GAREM1: variants seen among roughly 807,000 people sequenced by gnomAD.
The protein encoded by GAREM1 is GRB2 associated regulator of MAPK1 subtype 1, also known as GRB2-associated and regulator of MAPK protein 1.
GAREM1 carries 26 observed loss-of-function variants against 71.3 expected under a neutral mutation model. The ratio of observed to expected loss-of-function variants is 0.36; its 90% CI spans 0.27 to 0.51. The LOEUF is 0.51. GAREM1 is among the 20% of genes least tolerant of loss of function. The pLI is 0.95. For synonymous variants in GAREM1, 440 were observed against 433.2 expected (o/e 1.02, Z -0.20); for missense variants, 1,026 against 1,103.1 (o/e 0.93, Z 0.99).
At chr18:32,342,391 C>T (rs527679973) in intron 2 of GAREM1, among the ~76,000 whole-genome samples, 1 of 152,312 alleles carries the variant, frequency 6.6e-6, no homozygotes, top group African/African-American at 2.4e-5. Flanking sequence ...TCATTCCCAG[C>T]CTAAACTTTT....
chr18:32,381,238 T>A (rs1461494106), intron 2 of GAREM1, among the ~76,000 whole-genome samples: 1 of 152,112 alleles, frequency 6.6e-6, no homozygotes, highest in African/African-American at 2.4e-5. Flanking sequence ...AGGTCCAATA[T>A]CTGACAAGAT....
intron 3 of GAREM1, among the ~76,000 whole-genome samples, chr18:32,296,706 AG>A (rs1434887459): frequency 7.3e-6 from 1 of 136,146 alleles, no homozygotes; most frequent in African/African-American, 2.8e-5. Flanking sequence ...TTTTCTTGGC[AG>A]TTTTTTTTTT....
chr18:32,409,782 A>G (rs914498406), intron 1 of GAREM1, among the ~76,000 whole-genome samples: 12 of 152,224 alleles, frequency 7.9e-5, no homozygotes, highest in African/African-American at 2.9e-4. Context: ...TTCTACGCCA[A>G]GCAACTTTCA....
chr18:32,343,314 T>G (rs1000039385), intron 2 of GAREM1, among the ~76,000 whole-genome samples: 18 of 132,962 alleles, frequency 1.4e-4, no homozygotes, highest in Admixed American at 2.2e-4. Context: ...CCCCACTGTT[T>G]TTTTTTTTTT....
chr18:32,270,375 T>C lies in GAREM1; in HGVS notation c.1575A>G (p.Glu525=), dbSNP rs1178619988. 1 of 1,611,656 alleles carries C rather than the reference T, an allele frequency of 6.2e-7. No individual in the cohort carries two copies. The highest frequency in any genetic ancestry group is 1.1e-5 in the South Asian group (1 of 90,646). The change falls in exon 5 of 6, where the codon GAA becomes GAG. Residue 525 remains glutamate (E), a synonymous_variant. Coordinates refer to ENST00000269209, the MANE Select transcript of GAREM1 (RefSeq NM_001242409.2). ...GTGGGGCGTTCAGGAGCCGGCATTC[T>C]TCTCTGACCTGGCGCAGAAAAGAAC... ...PVPPKSEAVR[E]ECRLLNAPPV... is the part of the protein sequence containing the mutation.
intron 1 of GAREM1, among the ~76,000 whole-genome samples, chr18:32,406,490 G>A (rs1441563227): frequency 2.0e-5 from 3 of 152,176 alleles, no homozygotes; most frequent in Non-Finnish European, 2.9e-5. Context: ...GAAACGGTGT[G>A]TGGTGGGGGG....
intron 2 of GAREM1, among the ~76,000 whole-genome samples, chr18:32,342,200 A>T (rs1328385788): frequency 2.0e-5 from 3 of 152,128 alleles, no homozygotes; most frequent in Non-Finnish European, 2.9e-5. Flanking sequence ...CACATGAAGA[A>T]AAATGAGGCG....
intron 2 of GAREM1, among the ~76,000 whole-genome samples, chr18:32,361,687 T>C: frequency 6.6e-6 from 1 of 152,342 alleles, no homozygotes; most frequent in Non-Finnish European, 1.5e-5. Context: ...TTTCCCAATA[T>C]CCTGTTTAAG....
At chr18:32,343,998 C>G (rs919628816) in intron 2 of GAREM1, among the ~76,000 whole-genome samples, 2 of 152,138 alleles carry the variant, frequency 1.3e-5, no homozygotes, top group Non-Finnish European at 2.9e-5. Context: ...CAGGTCATTC[C>G]TCGCTTTGTT....
chr18:32,386,148 A>G (rs907015210), intron 2 of GAREM1, among the ~76,000 whole-genome samples: 23 of 152,356 alleles, frequency 1.5e-4, no homozygotes, highest in African/African-American at 5.1e-4. Context: ...TTTATCCCAT[A>G]TAACAGGGAA....
At chr18:32,319,828 A>C (rs981978477) in intron 2 of GAREM1, among the ~76,000 whole-genome samples, 1 of 152,232 alleles carries the variant, frequency 6.6e-6, no homozygotes, top group African/African-American at 2.4e-5. Context: ...CCATCACTGC[A>C]TAAAAATCTG....
intron 2 of GAREM1, among the ~76,000 whole-genome samples, chr18:32,380,711 C>A (rs906061018): frequency 1.3e-5 from 2 of 152,142 alleles, no homozygotes; most frequent in African/African-American, 4.8e-5. Context: ...ACTTCCTTGG[C>A]TTCTGCCCAC....
At chr18:32,270,855 T>C (rs1450550838) in intron 4 of GAREM1, among the ~76,000 whole-genome samples, 2 of 151,600 alleles carry the variant, frequency 1.3e-5, no homozygotes, top group Non-Finnish European at 2.9e-5. Context: ...ACCCTGGACC[T>C]GGTCCAGAGC....
rs193126283 is a variant in GAREM1, at chr18:32,263,641, C to T, written c.*4230G>A. On this transcript the variant is annotated 3_prime_UTR_variant, in exon 6 of 6. Coordinates refer to ENST00000269209, the MANE Select transcript of GAREM1 (RefSeq NM_001242409.2). ...GGTACACATTGGGCCCATTAGATAA[C>T]GTTTTGGAAAGTAATGCCATTGTTA... 60 of 152,188 alleles carry T rather than the reference C, an allele frequency of 3.9e-4. No homozygotes were observed. Among genetic ancestry groups the T allele is most frequent in the African/African-American group, 1.2e-3 (48 of 41,520 alleles). The allele number at this position is 152,188 out of a possible 1,614,324, so 9.4% of individuals were successfully genotyped here.
chr18:32,442,820 A>G (rs1383598422), intron 1 of GAREM1, among the ~76,000 whole-genome samples: 2 of 152,198 alleles, frequency 1.3e-5, no homozygotes, highest in Admixed American at 1.3e-4. Flanking sequence ...ATATTGTTCT[A>G]GAACAGAGAC....
At chr18:32,344,799 C>T (rs931249442) in intron 2 of GAREM1, among the ~76,000 whole-genome samples, 9 of 152,252 alleles carry the variant, frequency 5.9e-5, no homozygotes, top group East Asian at 1.9e-4. Context: ...CGGTGGCTCA[C>T]GCCTATAATC....
At chr18:32,416,918 A>G (rs2048471710) in intron 1 of GAREM1, among the ~76,000 whole-genome samples, 1 of 152,202 alleles carries the variant, frequency 6.6e-6, no homozygotes, top group African/African-American at 2.4e-5. Context: ...AAAAGAATCA[A>G]TGAAGTGAAG....
At chr18:32,466,123 AAAG>A (rs1255717771) in intron 1 of GAREM1, among the ~76,000 whole-genome samples, 2 of 152,200 alleles carry the variant, frequency 1.3e-5, no homozygotes, top group African/African-American at 2.4e-5. Context: ...TTAAATATTG[AAAG>A]TCTTATGATC....
chr18:32,317,579 G>A (rs2047391071), intron 2 of GAREM1, among the ~76,000 whole-genome samples: 1 of 151,874 alleles, frequency 6.6e-6, no homozygotes, highest in African/African-American at 2.4e-5. Flanking sequence ...AGTAAAAGCT[G>A]TAGAAGTGGA....
Sources: gnomAD v4.1 joint callset for allele counts (sites outside exome capture counted in the v4.1 genomes callset) on GRCh38, gnomAD v4.1.1 for gene constraint, MANE v1.5 for transcripts, NCBI Gene and HGNC (gene_info 2026-07-23, HGNC 2026-07-21) for gene names.